Variants in CHD7 observed in about 807,000 individuals in gnomAD.
CHD7 encodes the protein chromodomain helicase DNA binding protein 7.
CHD7 carries 24 observed loss-of-function variants against 307.3 expected under a neutral mutation model. The ratio of observed to expected loss-of-function variants is 0.08; its 90% CI spans 0.06 to 0.11. The LOEUF (loss-of-function observed/expected upper bound fraction) is 0.11. Among genes scored for constraint, CHD7 ranks in the 10% least tolerant of loss-of-function variants. The probability of loss-of-function intolerance (pLI) is 1.00; values close to 1 mark genes in which losing one functional copy is unlikely to be tolerated. For missense variants in CHD7, 3,106 were observed against 3,727.1 expected, an observed-to-expected ratio of 0.83 and a Z score of 4.34; for synonymous variants, 1,363 against 1,349.9, an observed-to-expected ratio of 1.01 and a Z score of -0.21.
chr8:60,717,129 TA>T (rs1221358090), intron 1 of CHD7, among the ~76,000 whole-genome samples: 3 of 152,018 alleles, frequency 2.0e-5, no homozygotes. Context: ...TTGTCCCGTT[TA>T]CTGGTGATAC....
intron 2 of CHD7, among the ~76,000 whole-genome samples, chr8:60,764,939 A>G (rs1391123238): frequency 6.6e-6 from 1 of 152,214 alleles, no homozygotes; most frequent in African/African-American, 2.4e-5. Flanking sequence ...GCTTTCATTT[A>G]TGTGTGCATT....
At chr8:60,766,464 C>T (rs1810474409) in intron 2 of CHD7, among the ~76,000 whole-genome samples, 1 of 152,282 alleles carries the variant, frequency 6.6e-6, no homozygotes, top group Middle Eastern at 3.4e-3. Context: ...AAGAATTGCT[C>T]AGACTGTGTA....
chr8:60,850,497 T>C lies in CHD7; in HGVS notation c.5409T>C (p.Tyr1803=), dbSNP rs1021645395. ...SLLIGVFKHG[Y]EKYNSMRADP... The stretch of plus-strand genomic sequence containing the variant: ...GCACGGATGGGCACGGCACAGGCTA[T>C]GAGAAGTACAACTCCATGCGAGCTG... The change falls in exon 26 of 38, where the codon TAT becomes TAC. Residue 1803 remains tyrosine, a synonymous_variant. Coordinates refer to ENST00000423902, the MANE Select transcript of CHD7 (RefSeq NM_017780.4). 12 of 1,610,778 alleles carry C rather than the reference T, an allele frequency of 7.4e-6. No homozygotes were observed. In the African/African-American group the frequency reaches 9.3e-5, roughly 13 times the overall value.
At chr8:60,859,668 T>C (rs1805877693) in intron 34 of CHD7, among the ~76,000 whole-genome samples, 1 of 152,180 alleles carries the variant, frequency 6.6e-6, no homozygotes, top group South Asian at 2.1e-4. Flanking sequence ...TTGGTCATTT[T>C]AAAAGGGTTG....
intron 33 of CHD7, 26 bp from the exon 34 acceptor site, chr8:60,856,419 T>A (rs1249181181): frequency 1.9e-6 from 3 of 1,587,314 alleles, no homozygotes. Flanking sequence ...TCACTGCAAC[T>A]CTGTTCTGTT....
chr8:60,750,078 A>T (rs1809558172), intron 2 of CHD7, among the ~76,000 whole-genome samples: 1 of 152,230 alleles, frequency 6.6e-6, no homozygotes, highest in Admixed American at 6.5e-5. Flanking sequence ...AATGGCTGAT[A>T]GCCTCGCTCC....
At chr8:60,797,899 A>G (rs986217021) in intron 4 of CHD7, among the ~76,000 whole-genome samples, 10 of 152,194 alleles carry the variant, frequency 6.6e-5, no homozygotes, top group Non-Finnish European at 2.9e-5. Flanking sequence ...TTTCTTTGGA[A>G]AGCTGGAGCT....
chr8:60,725,317 AT>A lies in CHD7; in HGVS notation c.-174-15939del, dbSNP rs917764479. The stretch of plus-strand genomic sequence containing the variant: ...AGTCAAGATCAAGGATGAAGATGAA[AT>A]TTCTTGTGGTTTCTTCATGAGAGAT... On this transcript the variant is annotated intron_variant, in intron 1 of 37. Transcript: ENST00000423902. Among the ~76,000 whole-genome samples the A allele has an allele frequency of 1.4e-4, 21 of 152,310 alleles. No individual in the cohort carries two copies. The Middle Eastern group carries it at 0.01, about 74-fold the overall frequency.
intron 13 of CHD7, among the ~76,000 whole-genome samples, chr8:60,825,845 A>AT (rs978165739): frequency 5.1e-4 from 74 of 145,996 alleles, no homozygotes; most frequent in East Asian, 1.2e-3. Context: ...TCATTGGGCT[A>AT]TTTTTTTTTT....
At chr8:60,829,846 A>G (rs1438383217) in intron 14 of CHD7, among the ~76,000 whole-genome samples, 1 of 152,182 alleles carries the variant, frequency 6.6e-6, no homozygotes, top group African/African-American at 2.4e-5. Flanking sequence ...TCTATTGCCA[A>G]TCAATAGAAA....
At chr8:60,830,155 A>G (rs1255122947) in intron 14 of CHD7, among the ~76,000 whole-genome samples, 167 bp from the exon 15 acceptor site, 1 of 152,250 alleles carries the variant, frequency 6.6e-6, no homozygotes, top group Non-Finnish European at 1.5e-5. Context: ...ACCTTCATGC[A>G]CTGCTCTTAT....
intron 1 of CHD7, among the ~76,000 whole-genome samples, chr8:60,696,510 A>G (rs1806478613): frequency 6.6e-6 from 1 of 152,176 alleles, no homozygotes; most frequent in Non-Finnish European, 1.5e-5. Flanking sequence ...AGTACTTACT[A>G]GTTCACAGGC....
At chr8:60,700,933 G>A (rs1282103485) in intron 1 of CHD7, among the ~76,000 whole-genome samples, 3 of 152,188 alleles carry the variant, frequency 2.0e-5, no homozygotes, top group Admixed American at 1.3e-4. Context: ...CAAGTGGCAC[G>A]CTGCTCACAG....
At chr8:60,840,625 C>CT (rs59584670) in intron 19 of CHD7, among the ~76,000 whole-genome samples, 102,787 of 145,948 alleles carry the variant, frequency 0.7, 36,799 homozygotes, top group East Asian at 0.93. Flanking sequence ...GAATATGTTT[C>CT]TTTTTTTTTT....
Position 60,856,773 on chromosome 8 carries a change from T to C in CHD7, c.7493T>C (p.Leu2498Pro). The C allele has an allele frequency of 6.2e-7, 1 of 1,613,752 alleles. No homozygotes were observed. Among genetic ancestry groups the C allele is most frequent in the Non-Finnish European group, 8.5e-7 (1 of 1,179,742 alleles). ...TCGCGCACACCCACAAGGCATCTCC[T>C]TAATGGCTCCCTAGTGGATGGAGAG... is the stretch of plus-strand genomic sequence containing the variant. The part of the protein sequence containing the change: ...GLSRTPTRHL[L>P]NGSLVDGEPP... The change falls in exon 34 of 38, where the codon CTT becomes CCT. Residue 2498 changes from leucine (L) to proline (P), a missense_variant. Transcript: ENST00000423902.
At chr8:60,721,759 C>A (rs548253666) in intron 1 of CHD7, among the ~76,000 whole-genome samples, 1 of 152,306 alleles carries the variant, frequency 6.6e-6, no homozygotes, top group East Asian at 1.9e-4. Context: ...GATGGTGTGT[C>A]GGAGAGGCTT....
chr8:60,758,580 T>TA (rs1326655230), intron 2 of CHD7, among the ~76,000 whole-genome samples: 2 of 152,226 alleles, frequency 1.3e-5, no homozygotes, highest in African/African-American at 2.4e-5. Context: ...CACCATGAGT[T>TA]ACTTTCGTTG....
intron 2 of CHD7, among the ~76,000 whole-genome samples, chr8:60,761,481 TTAAAG>T (rs1810203578): frequency 6.6e-6 from 1 of 151,952 alleles, no homozygotes; most frequent in South Asian, 2.1e-4. Flanking sequence ...ACCCTAAAAC[TTAAAG>T]TATAATAATA....
chr8:60,680,510 G>C (rs1251341683), intron 1 of CHD7, among the ~76,000 whole-genome samples: 2 of 151,886 alleles, frequency 1.3e-5, no homozygotes, highest in South Asian at 4.1e-4. Context: ...TCATTACCGA[G>C]CCGCCTTTCT....
Sources: gnomAD v4.1 joint callset for allele counts (sites outside exome capture counted in the v4.1 genomes callset) on GRCh38, gnomAD v4.1.1 for gene constraint, MANE v1.5 for transcripts, NCBI Gene and HGNC (gene_info 2026-07-23, HGNC 2026-07-21) for gene names.